MYO5A: variants seen among roughly 807,000 people sequenced by gnomAD.
The protein encoded by MYO5A is myosin VA.
MYO5A carries 98 observed loss-of-function variants against 249.7 expected under a neutral mutation model. The observed-to-expected ratio is 0.39, with a 90% confidence interval of 0.33 to 0.46. The LOEUF (loss-of-function observed/expected upper bound fraction) is 0.46, where lower values mean the gene tolerates loss of function less well. Among genes scored for constraint, MYO5A ranks in the 20% least tolerant of loss-of-function variants. The probability of loss-of-function intolerance (pLI) is 0.98; values close to 1 mark genes in which losing one functional copy is unlikely to be tolerated. For synonymous variants in MYO5A, 778 were observed against 810.6 expected, an observed-to-expected ratio of 0.96 and a Z score of 0.68; for missense variants, 1,696 against 2,308.8, an observed-to-expected ratio of 0.73 and a Z score of 5.44.
At chr15:52,335,053 T>C (rs369159969) in intron 34 of MYO5A, among the ~76,000 whole-genome samples, 3 of 152,214 alleles carry the variant, frequency 2.0e-5, no homozygotes, top group Non-Finnish European at 2.9e-5. Context: ...TTAATCATGA[T>C]AGATTCTTTT....
intron 1 of MYO5A, among the ~76,000 whole-genome samples, chr15:52,515,452 C>T (rs2077477498): frequency 6.6e-6 from 1 of 152,040 alleles, no homozygotes; most frequent in Admixed American, 6.6e-5. Context: ...TGTCATTCAC[C>T]AGACAGGAAA....
At chr15:52,506,275 C>T (rs986141578) in intron 1 of MYO5A, among the ~76,000 whole-genome samples, 8 of 151,996 alleles carry the variant, frequency 5.3e-5, no homozygotes, top group Non-Finnish European at 8.8e-5. Context: ...GACGTGAACC[C>T]GGGAGGCTGA....
chr15:52,519,084 G>A (rs1014267184), intron 1 of MYO5A, among the ~76,000 whole-genome samples: 1 of 152,164 alleles, frequency 6.6e-6, no homozygotes, highest in East Asian at 1.9e-4. Flanking sequence ...GAGAACAGAA[G>A]ACAGACTACC....
intron 27 of MYO5A, among the ~76,000 whole-genome samples, chr15:52,352,368 G>A (rs529143756): frequency 1.3e-5 from 2 of 152,212 alleles, no homozygotes; most frequent in African/African-American, 4.8e-5. Context: ...ATTTAGCACA[G>A]GACACAAGGC....
At position 52,309,154 on chromosome 15, in the gene MYO5A, G is replaced by C. The variant is rs1163698053; in HGVS notation, c.*4542C>G. 6.6e-6 allele frequency: 1 copy of C among 152,282 alleles called. No homozygotes were observed. Among genetic ancestry groups the C allele is most frequent in the Non-Finnish European group, 1.5e-5 (1 of 68,104 alleles). The allele number at this position is 152,282 out of a possible 1,614,324, so 9.4% of individuals were successfully genotyped here. A position where few individuals can be genotyped will look rare whatever the true frequency, so the allele number is the denominator to read the frequency against. ...ATAAAGACTCTGATGGGTGTGGGGA[G>C]AGTAACTTTCCTCTTAATTTCAGAG... On this transcript the variant is annotated 3_prime_UTR_variant, in exon 42 of 42. Transcript: ENST00000399233.
intron 1 of MYO5A, among the ~76,000 whole-genome samples, chr15:52,450,609 C>A (rs907225536): frequency 6.8e-6 from 1 of 148,038 alleles, no homozygotes; most frequent in African/African-American, 2.5e-5. Flanking sequence ...GTGGAGGCTG[C>A]AAGAGCCAAG....
At chr15:52,399,237 T>C (rs972455423) in intron 9 of MYO5A, among the ~76,000 whole-genome samples, 1 of 152,178 alleles carries the variant, frequency 6.6e-6, no homozygotes, top group African/African-American at 2.4e-5. Flanking sequence ...TTGCTATATA[T>C]CTTTCGAGGC....
chr15:52,318,701 A>C (rs11852464), intron 39 of MYO5A, among the ~76,000 whole-genome samples: 15,250 of 152,252 alleles, frequency 0.1, 862 homozygotes, highest in Middle Eastern at 0.15. Flanking sequence ...TAATTTAATA[A>C]TTTCTTATTG....
chr15:52,346,162 A>G lies in MYO5A; in HGVS notation c.3959+199T>C, dbSNP rs549180507. ...TGATTTAAAGCACATTTTCCCTGACACCTTTTGTCAATACTATTACCTTAT... is the reference window on the plus strand; with the variant it reads ...TGATTTAAAGCACATTTTCCCTGACGCCTTTTGTCAATACTATTACCTTAT... On this transcript the variant is annotated intron_variant, in intron 30 of 41. Transcript: ENST00000399233. Among the ~76,000 whole-genome samples, 6 of 152,258 alleles carry G rather than the reference A, an allele frequency of 3.9e-5. No homozygotes were observed. The South Asian group carries it at 1.2e-3, about 32-fold the overall frequency.
At chr15:52,484,297 G>A (rs1192636861) in intron 1 of MYO5A, among the ~76,000 whole-genome samples, 1 of 152,172 alleles carries the variant, frequency 6.6e-6, no homozygotes, top group Non-Finnish European at 1.5e-5. Context: ...GGCTAGTTAG[G>A]TAGCTATGGT....
chr15:52,427,737 T>A (rs1411783107), intron 3 of MYO5A, among the ~76,000 whole-genome samples: 1 of 151,240 alleles, frequency 6.6e-6, no homozygotes, highest in East Asian at 1.9e-4. Flanking sequence ...GAGTGATTAG[T>A]GAAAGAATGG....
chr15:52,499,338 A>G (rs1193135997), intron 1 of MYO5A, among the ~76,000 whole-genome samples: 2 of 152,226 alleles, frequency 1.3e-5, no homozygotes, highest in Non-Finnish European at 2.9e-5. Flanking sequence ...GTGGTAAAAT[A>G]CACATATTTA....
chr15:52,353,577 A>G, intron 27 of MYO5A, 28 bp downstream of exon 27: 2 of 1,606,276 alleles, frequency 1.2e-6, no homozygotes, highest in Non-Finnish European at 8.5e-7. Context: ...CAAAATATTC[A>G]AAGTCTTGAG....
chr15:52,318,917 G>T lies in MYO5A; in HGVS notation c.5234+143C>A, dbSNP rs1400793331. 9.6e-6 allele frequency: 10 copies of T among 1,040,356 alleles called. No individual in the cohort carries two copies. The East Asian group carries it at 2.6e-4, about 27-fold the overall frequency. 64.4% of individuals were successfully genotyped at this position (1,040,356 alleles called of 1,614,324 possible). ...CAGCCAGGCAAGGGAAAGTGGCTCC[G>T]TGCCAGTTTCTCCCTTGCTGCTTGG... is the stretch of plus-strand genomic sequence containing the variant. On this transcript the variant is annotated intron_variant, in intron 39 of 41. Transcript: ENST00000399233.
intron 1 of MYO5A, among the ~76,000 whole-genome samples, chr15:52,515,642 A>G (rs1467279553): frequency 2.0e-5 from 3 of 152,242 alleles, no homozygotes; most frequent in Non-Finnish European, 1.5e-5. Flanking sequence ...GTAGGGTAGT[A>G]TGAAGAAGGA....
chr15:52,348,846 A>G lies in MYO5A; in HGVS notation c.3850-20T>C, dbSNP rs1372452585. 7 of 1,605,052 alleles carry G rather than the reference A, an allele frequency of 4.4e-6. No individual in the cohort carries two copies. Among genetic ancestry groups the G allele is most frequent in the Non-Finnish European group, 6.0e-6 (7 of 1,175,316 alleles). ...GTCATCCTGAGAATCACAAGTCAGC[A>G]AGCACAAAAAACAGAGAAAACAATA... On this transcript the variant is annotated intron_variant, in intron 28 of 41. Coordinates refer to ENST00000399233, the MANE Select transcript of MYO5A (RefSeq NM_001382347.1).
chr15:52,311,507 G>T lies in MYO5A; in HGVS notation c.*2189C>A, dbSNP rs992419792. 18 of 152,236 alleles carry T rather than the reference G, an allele frequency of 1.2e-4. No individual in the cohort carries two copies. The highest frequency in any genetic ancestry group is 4.3e-4 in the African/African-American group (18 of 41,522). The allele number at this position is 152,236 out of a possible 1,614,324, so 9.4% of individuals were successfully genotyped here. A position where few individuals can be genotyped will look rare whatever the true frequency, so the allele number is the denominator to read the frequency against. ...TGATACTGCAAATAAATAAATAAAT[G>T]TATTCAAACTGAATAAAGCAATACA... is the stretch of plus-strand genomic sequence containing the variant. On this transcript the variant is annotated 3_prime_UTR_variant, in exon 42 of 42. Transcript: ENST00000399233.
At chr15:52,315,489 C>A (rs2037957905) in intron 40 of MYO5A, among the ~76,000 whole-genome samples, 1 of 152,078 alleles carries the variant, frequency 6.6e-6, no homozygotes, top group African/African-American at 2.4e-5. Context: ...ATTCTCCTGC[C>A]TCAGCCTCCC....
At chr15:52,429,700 A>AAAACAAAAAC (rs71130161) in intron 2 of MYO5A, among the ~76,000 whole-genome samples, 1 of 151,738 alleles carries the variant, frequency 6.6e-6, no homozygotes, top group South Asian at 2.1e-4. Context: ...AAAAAAAACA[A>AAAACAAAAAC]AAAAACAAAA....
Sources: allele counts gnomAD v4.1 joint callset (sites outside exome capture counted in the v4.1 genomes callset), GRCh38; gene constraint gnomAD v4.1.1; transcripts MANE v1.5; gene names NCBI Gene and HGNC (gene_info 2026-07-23, HGNC 2026-07-21).